Variants in ANK1 observed in about 807,000 individuals in gnomAD.
The protein encoded by ANK1 is ankyrin 1.
In ANK1, 51 loss-of-function variants were observed where a neutral mutation model predicts 210.4. The ratio of observed to expected loss-of-function variants is 0.24; its 90% CI spans 0.19 to 0.31. The LOEUF (loss-of-function observed/expected upper bound fraction) is 0.31, where lower values mean the gene tolerates loss of function less well. Ranked by LOEUF, ANK1 falls within the 10% of genes least tolerant of loss-of-function variation. ANK1 has a pLI of 1.00. For missense variants in ANK1, 2,051 were observed against 2,504.4 expected (o/e 0.82, Z 3.86); for synonymous variants, 967 against 1,025.9 (o/e 0.94, Z 1.10).
At chr8:41,758,175 G>A (rs956167268) in intron 1 of ANK1, 38 bp from the exon 2 acceptor site, 12 of 1,580,106 alleles carry the variant, frequency 7.6e-6, no homozygotes, top group East Asian at 6.7e-5. Flanking sequence ...TGTCCTGGGT[G>A]TATTAATGAC....
chr8:41,784,131 G>A (rs958765564), intron 1 of ANK1, among the ~76,000 whole-genome samples: 12 of 150,752 alleles, frequency 8.0e-5, no homozygotes, highest in South Asian at 4.2e-4. Flanking sequence ...TTCCATAATC[G>A]CATTTGACTC....
chr8:41,697,956 G>A, intron 24 of ANK1, 87 bp downstream of exon 24: 4 of 1,262,254 alleles, frequency 3.2e-6, no homozygotes, highest in South Asian at 2.5e-5. Context: ...TGCCTATTGT[G>A]CTACGTACAG....
intron 37 of ANK1, among the ~76,000 whole-genome samples, chr8:41,681,502 A>G (rs778499526): frequency 2.0e-5 from 3 of 152,238 alleles, no homozygotes; most frequent in Non-Finnish European, 4.4e-5. Flanking sequence ...AGACAGCCTC[A>G]GGCTTCTAAT....
chr8:41,701,499 G>T, intron 22 of ANK1, 51 bp downstream of exon 22: 3 of 1,571,868 alleles, frequency 1.9e-6, no homozygotes, highest in Non-Finnish European at 1.8e-6. Flanking sequence ...CTTGGAGGGT[G>T]CCCGGAGCCC....
At chr8:41,766,549 C>G (rs1841829959) in intron 1 of ANK1, among the ~76,000 whole-genome samples, 1 of 152,234 alleles carries the variant, frequency 6.6e-6, no homozygotes, top group South Asian at 2.1e-4. Context: ...CTTAATCTCT[C>G]AACCCGAACT....
intron 1 of ANK1, among the ~76,000 whole-genome samples, chr8:41,784,701 C>A (rs1846005170): frequency 1.3e-5 from 2 of 152,220 alleles, no homozygotes; most frequent in South Asian, 2.1e-4. Context: ...CTGAAAGAAA[C>A]CTCATGGTGA....
chr8:41,692,795 G>T lies in ANK1; in HGVS notation c.3711C>A (p.Pro1237=). 4 of 1,614,134 alleles carry T rather than the reference G, an allele frequency of 2.5e-6. No homozygotes were observed. The highest frequency in any genetic ancestry group is 3.4e-6 in the Non-Finnish European group (4 of 1,180,014). Residue 1237 remains proline, a synonymous_variant, in exon 31 of 43, where the codon CCC becomes CCA. Coordinates refer to ENST00000289734, the MANE Select transcript of ANK1 (RefSeq NM_000037.4). ...CAAAGATGACGAATTTGGCCATGTA[G>T]GGCACTGCAGTGAGCTCTTTGTACA... ...TLLYKELTAV[P]YMAKFVIFAK...
chr8:41,673,277 C>T (rs530023472), intron 37 of ANK1, among the ~76,000 whole-genome samples: 1 of 152,306 alleles, frequency 6.6e-6, no homozygotes, highest in South Asian at 2.1e-4. Context: ...TGTCTCTGAT[C>T]CCATGAAAGC....
chr8:41,763,286 T>C (rs1840875919), intron 1 of ANK1, among the ~76,000 whole-genome samples: 1 of 152,000 alleles, frequency 6.6e-6, no homozygotes, highest in Non-Finnish European at 1.5e-5. Context: ...TGGACTAGAT[T>C]GAGGAAAGCT....
At chr8:41,767,539 C>A (rs896735925) in intron 1 of ANK1, among the ~76,000 whole-genome samples, 2 of 152,184 alleles carry the variant, frequency 1.3e-5, no homozygotes, top group Non-Finnish European at 2.9e-5. Context: ...CGCTCTCCCG[C>A]CCGCCAGCCT....
chr8:41,661,623 G>T, intron 41 of ANK1, 59 bp from the exon 42 acceptor site: 1 of 1,610,346 alleles, frequency 6.2e-7, no homozygotes. Flanking sequence ...CAGAACACAG[G>T]CAGAAGATCG....
chr8:41,728,847 CCTCAGGACACACACTGGAAGG>C (rs1831396991), intron 3 of ANK1, among the ~76,000 whole-genome samples: 1 of 152,248 alleles, frequency 6.6e-6, no homozygotes, highest in Non-Finnish European at 1.5e-5. Context: ...CGTTGGCGTC[CCTCAGGACACACACTGGAAGG>C]CTTGTCAGCG....
At position 41,695,328 on chromosome 8, in the gene ANK1, A is replaced by G. The variant is rs2150594677; in HGVS notation, c.2964T>C (p.Pro988=). ...CAAAGTGCGGGATCTCCACGATTAC[A>G]GGGCTGAGGCAAGGACACAGTGGTG... ...LGPTGAQFLS[P]VIVEIPHFAS... Residue 988 remains proline (P), a synonymous_variant, in exon 27 of 43, where the codon CCT becomes CCC. Transcript: ENST00000289734. 1 of 1,613,834 alleles carries G rather than the reference A, an allele frequency of 6.2e-7. No individual in the cohort carries two copies. Among genetic ancestry groups the G allele is most frequent in the East Asian group, 2.2e-5 (1 of 44,866 alleles).
intron 27 of ANK1, 149 bp downstream of exon 27, chr8:41,695,028 T>G: frequency 8.5e-7 from 1 of 1,174,814 alleles, no homozygotes; most frequent in East Asian, 2.3e-5. Flanking sequence ...TCACACATCC[T>G]GGGGACCCAG....
At chr8:41,673,605 G>A (rs748598158) in intron 37 of ANK1, among the ~76,000 whole-genome samples, 3 of 152,140 alleles carry the variant, frequency 2.0e-5, no homozygotes, top group African/African-American at 7.2e-5. Flanking sequence ...AAGGGGCAAG[G>A]TCAGAAGGCA....
chr8:41,672,805 C>A lies in ANK1; in HGVS notation c.4645G>T (p.Ala1549Ser). The A allele has an allele frequency of 1.2e-6, 2 of 1,605,544 alleles. No individual in the cohort carries two copies. Among genetic ancestry groups the A allele is most frequent in the Non-Finnish European group, 1.7e-6 (2 of 1,174,546 alleles). The part of the protein sequence containing the change: ...QYWNEVAVLD[A>S]IPLAATEHDT... ...TGCTCCGTGGCCGCCAAGGGGATGG[C>A]GTCTAGGACGGCCACCTCATTCCAG... The change falls in exon 38 of 43, where the codon GCC (alanine) becomes TCC (serine). Residue 1549 changes from alanine to serine, a missense_variant. By Grantham distance (99) the Ala-to-Ser change is moderately conservative. This residue lies in a region of ANK1 where 496 missense variants were observed against 533.4 expected (regional missense o/e 0.93). Coordinates refer to ENST00000289734, the MANE Select transcript of ANK1 (RefSeq NM_000037.4).
intron 2 of ANK1, among the ~76,000 whole-genome samples, chr8:41,740,361 T>C (rs1268986685): frequency 6.6e-6 from 1 of 151,850 alleles, no homozygotes; most frequent in African/African-American, 2.4e-5. Flanking sequence ...GGTTTCACCA[T>C]GTTGGCCAGG....
At position 41,654,229 on chromosome 8, in the gene ANK1, C is replaced by G. The variant is rs1031913234; in HGVS notation, c.*1561G>C. 6.5e-6 allele frequency: 1 copy of G among 152,678 alleles called. No homozygotes were observed. The highest frequency in any genetic ancestry group is 2.1e-4 in the South Asian group (1 of 4,828). 9.5% of individuals were successfully genotyped at this position (152,678 alleles called of 1,614,324 possible). A position where few individuals can be genotyped will look rare whatever the true frequency, so the allele number is the denominator to read the frequency against. Reference sequence around the variant, plus strand: ...TTCTGGCCTCCCTGGGCCGGAGGCTCTAGTGGAACTTAAGGCTCCTCCCTG... The same window carrying G: ...TTCTGGCCTCCCTGGGCCGGAGGCTGTAGTGGAACTTAAGGCTCCTCCCTG... On this transcript the variant is annotated 3_prime_UTR_variant, in exon 43 of 43. Transcript: ENST00000289734.
intron 1 of ANK1, among the ~76,000 whole-genome samples, chr8:41,865,724 C>G (rs145129931): frequency 6.6e-6 from 1 of 152,078 alleles, no homozygotes; most frequent in Non-Finnish European, 1.5e-5. Flanking sequence ...CTCCTCCCCC[C>G]AGCAGTCCCA....
Sources: gnomAD v4.1 joint callset for allele counts (sites outside exome capture counted in the v4.1 genomes callset) on GRCh38, gnomAD v4.1.1 for gene constraint, gnomAD v4.1.1 regional missense constraint, MANE v1.5 for transcripts, NCBI Gene and HGNC (gene_info 2026-07-23, HGNC 2026-07-21) for gene names.